GPR82: variants seen among roughly 807,000 people sequenced by gnomAD.
GPR82 encodes the protein probable G protein-coupled receptor 82.
Under a neutral mutation model 12.9 loss-of-function variants are expected in GPR82, and 6 were observed. The ratio of observed to expected loss-of-function variants is 0.46; its 90% confidence interval spans 0.25 to 0.92. The LOEUF (loss-of-function observed/expected upper bound fraction) is 0.92, where lower values mean the gene tolerates loss of function less well. Ranked by LOEUF, GPR82 falls within the 40% of genes least tolerant of loss-of-function variation. The pLI, the probability that GPR82 is intolerant of heterozygous loss-of-function variation, is 0.16. For missense variants in GPR82, 241 were observed against 245.5 expected (o/e 0.98, Z 0.12); for synonymous variants, 90 against 87.6 (o/e 1.03, Z -0.15).
At position 41,727,562 on chromosome X, in the gene GPR82, C is replaced by CTACA. The variant is rs756989827; in HGVS notation, c.537_540dup (p.Glu181TyrfsTer87). The stretch of plus-strand genomic sequence containing the variant: ...ACCGTATACTACTCAGTCATAGAGG[C>CTACA]TACAGAAGGAGAAGAGAGCCTATGC... On this transcript the variant is annotated frameshift_variant, in exon 3 of 3. Coordinates refer to ENST00000302548, the MANE Select transcript of GPR82 (RefSeq NM_080817.5). LOFTEE classifies it high-confidence loss of function. 9 of 1,205,561 alleles carry CTACA rather than the reference C, an allele frequency of 7.5e-6. No homozygotes were observed. In the East Asian group the frequency reaches 2.7e-4, roughly 36 times the overall value.
chrX:41,725,006 C>A (rs1004116239), intron 1 of GPR82, among the ~76,000 whole-genome samples: 2 of 111,702 alleles, frequency 1.8e-5, no homozygotes, highest in Admixed American at 1.9e-4. Flanking sequence ...GATTTTTGAA[C>A]TGGTGAAGTT....
At chrX:41,725,244 T>C (rs1019737305) in intron 1 of GPR82, among the ~76,000 whole-genome samples, 6 of 111,962 alleles carry the variant, frequency 5.4e-5, no homozygotes, top group African/African-American at 1.9e-4. Context: ...TTCAAGACTT[T>C]GGGTGTGGAT....
In GPR82 at chrX:41,726,976, C is replaced by T. The variant is rs1270067300; in HGVS notation, c.-34-17C>T. Reference sequence around the variant, plus strand: ...CAAAAATAATTTTAATATTAAATATCTGCAATTCTATTCTAGCTCCTGTGA... The same window carrying T: ...CAAAAATAATTTTAATATTAAATATTTGCAATTCTATTCTAGCTCCTGTGA... On this transcript the variant is annotated splice_polypyrimidine_tract_variant and intron_variant, in intron 2 of 2. Coordinates refer to ENST00000302548, the MANE Select transcript of GPR82 (RefSeq NM_080817.5). The T allele has an allele frequency of 1.5e-6, 1 of 660,334 alleles. No homozygotes were observed. The highest frequency in any genetic ancestry group is 2.2e-6 in the Non-Finnish European group (1 of 445,810). The allele number at this position is 660,334 out of a possible 1,213,427, so 54.4% of individuals were successfully genotyped here. A position where few individuals can be genotyped will look rare whatever the true frequency, so the allele number is the denominator to read the frequency against.
chrX:41,726,334 A>G (rs914806203), intron 1 of GPR82, among the ~76,000 whole-genome samples: 1 of 112,138 alleles, frequency 8.9e-6, no homozygotes, highest in African/African-American at 3.2e-5. Context: ...CATTTTAAAT[A>G]TTCTTTGGTA....
chrX:41,725,155 TAAA>T (rs1157360383), intron 1 of GPR82, among the ~76,000 whole-genome samples: 1 of 111,706 alleles, frequency 9.0e-6, no homozygotes, highest in Non-Finnish European at 1.9e-5. Flanking sequence ...AGCAAAGAAA[TAAA>T]ATTATAAAGA....
chrX:41,728,536 G>T lies in GPR82; in HGVS notation c.*499G>T, dbSNP rs2068309689. The stretch of plus-strand genomic sequence containing the variant: ...GGTGGGTGGATCATTTTGAGGTCAG[G>T]AGTTCAAGACCAGCCTGGGCAACAT... On this transcript the variant is annotated 3_prime_UTR_variant, in exon 3 of 3. Transcript: ENST00000302548. The T allele has an allele frequency of 8.2e-6, 1 of 121,833 alleles. No individual in the cohort carries two copies. Among genetic ancestry groups the T allele is most frequent in the Admixed American group, 9.5e-5 (1 of 10,577 alleles). The allele number at this position is 121,833 out of a possible 1,213,427, so 10.0% of individuals were successfully genotyped here. A position where few individuals can be genotyped will look rare whatever the true frequency, so the allele number is the denominator to read the frequency against.
chrX:41,725,100 T>C (rs898469579), intron 1 of GPR82, among the ~76,000 whole-genome samples: 13 of 111,752 alleles, frequency 1.2e-4, no homozygotes, highest in African/African-American at 4.2e-4. Flanking sequence ...TAGATTCAGA[T>C]ACAAACTTAC....
chrX:41,727,429 G>GAGAA lies in GPR82; in HGVS notation c.405_408dup (p.Ile137GlufsTer18). ...CTCGCAAGAGACTACTTCATGCTAT[G>GAGAA]AGAAAATATTTTATGGCCATTTACT... On this transcript the variant is annotated frameshift_variant, in exon 3 of 3. Coordinates refer to ENST00000302548, the MANE Select transcript of GPR82 (RefSeq NM_080817.5). LOFTEE classifies it high-confidence loss of function. 3 of 1,211,034 alleles carry GAGAA rather than the reference G, an allele frequency of 2.5e-6. No homozygotes were observed. The highest frequency in any genetic ancestry group is 3.4e-6 in the Non-Finnish European group (3 of 894,762).
In GPR82 at chrX:41,727,595, G is replaced by C; in HGVS notation, c.569G>C (p.Arg190Pro). 2 of 1,205,126 alleles carry C rather than the reference G, an allele frequency of 1.7e-6. No individual in the cohort carries two copies. Among genetic ancestry groups the C allele is most frequent in the Non-Finnish European group, 2.2e-6 (2 of 889,639 alleles). ...GGAGAAGAGAGCCTATGCTACAATCGGCAGATGGAACTAGGAGCCATGATC... is the reference window on the plus strand; with the variant it reads ...GGAGAAGAGAGCCTATGCTACAATCCGCAGATGGAACTAGGAGCCATGATC... Reference protein sequence around the residue: ...TEGEESLCYNRQMELGAMISQ... With the variant: ...TEGEESLCYNPQMELGAMISQ... The change falls in exon 3 of 3, where the codon CGG (arginine) becomes CCG (proline). Residue 190 changes from arginine (R) to proline (P), a missense_variant. Transcript: ENST00000302548.
chrX:41,727,232 C>T lies in GPR82; in HGVS notation c.206C>T (p.Pro69Leu). Reference protein sequence around the residue: ...TANLLVCSAMPFMSIYFLKGF... With the variant: ...TANLLVCSAMLFMSIYFLKGF... Reference sequence around the variant, plus strand: ...AACTTACTTGTGTGCAGTGCCATGCCTTTCATGAGTATCTATTTCCTGAAA... The same window carrying T: ...AACTTACTTGTGTGCAGTGCCATGCTTTTCATGAGTATCTATTTCCTGAAA... The change falls in exon 3 of 3, where the codon CCT becomes CTT. Residue 69 changes from proline (P) to leucine (L), a missense_variant. By Grantham distance (98) the Pro-to-Leu change is moderately conservative. Coordinates refer to ENST00000302548, the MANE Select transcript of GPR82 (RefSeq NM_080817.5). The T allele has an allele frequency of 1.7e-6, 2 of 1,203,876 alleles. No homozygotes were observed. The highest frequency in any genetic ancestry group is 2.3e-6 in the Non-Finnish European group (2 of 888,348).
chrX:41,727,385 C>A lies in GPR82; in HGVS notation c.359C>A (p.Thr120Asn), dbSNP rs1482337131. The change falls in exon 3 of 3, where the codon ACC (threonine) becomes AAC (asparagine). Residue 120 changes from threonine to asparagine, a missense_variant. Thr to Asn is a moderately conservative substitution (Grantham distance 65). Transcript: ENST00000302548. ...LSWIAISRYATLMQKDSSQET... is the reference protein window; with the variant it reads ...LSWIAISRYANLMQKDSSQET... ...TGGATTGCCATAAGCCGCTATGCTA[C>A]CTTAATGCAAAAGGATTCCTCGCAA... 2 of 1,207,887 alleles carry A rather than the reference C, an allele frequency of 1.7e-6. No individual in the cohort carries two copies. Among genetic ancestry groups the A allele is most frequent in the Non-Finnish European group, 2.2e-6 (2 of 893,027 alleles).
chrX:41,725,303 C>G (rs935654690), intron 1 of GPR82, among the ~76,000 whole-genome samples: 1 of 110,948 alleles, frequency 9.0e-6, no homozygotes, highest in African/African-American at 3.3e-5. Flanking sequence ...TGAAAAAAAA[C>G]CCCAATTTCT....
Position 41,728,216 on chromosome X carries a change from CGTTGAGA to C in GPR82, c.*180_*186del. Reference sequence around the variant, plus strand: ...AAACTCAAAAAACAGTTATACTGAACGTTGAGATGGCAGAAACTTTCAGAAGCAAAAA... The same window carrying C: ...AAACTCAAAAAACAGTTATACTGAACTGGCAGAAACTTTCAGAAGCAAAAA... On this transcript the variant is annotated 3_prime_UTR_variant, in exon 3 of 3. Coordinates refer to ENST00000302548, the MANE Select transcript of GPR82 (RefSeq NM_080817.5). 3.1e-6 allele frequency: 1 copy of C among 320,908 alleles called. No homozygotes were observed. The highest frequency in any genetic ancestry group is 5.5e-6 in the Non-Finnish European group (1 of 180,235). 26.4% of individuals were successfully genotyped at this position (320,908 alleles called of 1,213,427 possible).
At position 41,728,316 on chromosome X, in the gene GPR82, C is replaced by T. The variant is rs1028913; in HGVS notation, c.*279C>T. 8.8e-5 allele frequency: 19 copies of T among 215,845 alleles called. No homozygotes were observed. In the Admixed American group the frequency reaches 1.2e-3, roughly 14 times the overall value. The allele number at this position is 215,845 out of a possible 1,213,427, so 17.8% of individuals were successfully genotyped here. Reference sequence around the variant, plus strand: ...CTGTTTTCTGTTTAAACTCAACTGTCAGTGCTTCTGTTCAGAACACGTTAT... The same window carrying T: ...CTGTTTTCTGTTTAAACTCAACTGTTAGTGCTTCTGTTCAGAACACGTTAT... On this transcript the variant is annotated 3_prime_UTR_variant, in exon 3 of 3. Coordinates refer to ENST00000302548, the MANE Select transcript of GPR82 (RefSeq NM_080817.5).
At chrX:41,725,334 T>G (rs1426723499) in intron 1 of GPR82, among the ~76,000 whole-genome samples, 3 of 111,345 alleles carry the variant, frequency 2.7e-5, no homozygotes, top group Non-Finnish European at 3.8e-5. Flanking sequence ...ATGCAGAAAA[T>G]AAATCAAACC....
Position 41,726,511 on chromosome X carries a change from A to G in GPR82, c.-105-262A>G, listed in dbSNP as rs961410967. On this transcript the variant is annotated intron_variant, in intron 1 of 2. Coordinates refer to ENST00000302548, the MANE Select transcript of GPR82 (RefSeq NM_080817.5). Reference sequence around the variant, plus strand: ...GGAGTGTTTTAGCCTAGCCACAAAAAGACACCATTTTGAAAACTATATATA... The same window carrying G: ...GGAGTGTTTTAGCCTAGCCACAAAAGGACACCATTTTGAAAACTATATATA... Among the ~76,000 whole-genome samples, 5 of 111,887 alleles carry G rather than the reference A, an allele frequency of 4.5e-5. No individual in the cohort carries two copies. The Admixed American group carries it at 4.8e-4, about 11-fold the overall frequency.
rs2068217452 is a variant in GPR82 at position 41,724,301 on chromosome X, T to A, written c.-106+12T>A. On this transcript the variant is annotated intron_variant, in intron 1 of 2. Coordinates refer to ENST00000302548, the MANE Select transcript of GPR82 (RefSeq NM_080817.5). ...AACTACTCATACAGGTAAGAGTGAT[T>A]ATTATTCATTTTTAGCTTAAAAATT... 8.9e-6 allele frequency: 1 copy of A among 112,698 alleles called. No homozygotes were observed. Among genetic ancestry groups the A allele is most frequent in the South Asian group, 3.6e-4 (1 of 2,741 alleles). 9.3% of individuals were successfully genotyped at this position (112,698 alleles called of 1,213,427 possible). A position where few individuals can be genotyped will look rare whatever the true frequency, so the allele number is the denominator to read the frequency against.
At chrX:41,726,897 T>C (rs1385016742) in intron 2 of GPR82, 54 bp downstream of exon 2, 5 of 365,682 alleles carry the variant, frequency 1.4e-5, no homozygotes, top group African/African-American at 1.3e-4. Context: ...TGTTACTATT[T>C]TATTTAATTC....
rs1162361118 is a variant in GPR82 at position 41,729,749 on chromosome X, C to CAAAAAAAA, written c.*1738_*1745dup. 7.1e-5 allele frequency: 1 copy of CAAAAAAAA among 14,116 alleles called. No individual in the cohort carries two copies. The highest frequency in any genetic ancestry group is 1.2e-4 in the Non-Finnish European group (1 of 8,424). The allele number at this position is 14,116 out of a possible 1,213,427, so 1.2% of individuals were successfully genotyped here. A position where few individuals can be genotyped will look rare whatever the true frequency, so the allele number is the denominator to read the frequency against. Reference sequence around the variant, plus strand: ...TGGGCGACAGAGTGAGACTCTGTCTCAAAAAAAAAAAAAAAAAAAAAAAAA... The same window carrying CAAAAAAAA: ...TGGGCGACAGAGTGAGACTCTGTCTCAAAAAAAAAAAAAAAAAAAAAAAAAAAAAAAAA... On this transcript the variant is annotated 3_prime_UTR_variant, in exon 3 of 3. Transcript: ENST00000302548.
Sources: allele counts gnomAD v4.1 joint callset (sites outside exome capture counted in the v4.1 genomes callset), GRCh38; gene constraint gnomAD v4.1.1; transcripts MANE v1.5; gene names NCBI Gene and HGNC (gene_info 2026-07-23, HGNC 2026-07-21).